The following ROBO1 variants were observed in gnomAD, a reference collection of about 807,000 sequenced individuals.
ROBO1 encodes roundabout homolog 1.
A neutral mutation model predicts 195.9 loss-of-function variants in ROBO1; 149 were observed. That is an observed-to-expected ratio of 0.76 (90% CI 0.67 to 0.87). The LOEUF is 0.87. Among genes scored for constraint, ROBO1 ranks in the 40% least tolerant of loss-of-function variants. The probability of loss-of-function intolerance (pLI) is 0.00; values close to 1 mark genes in which losing one functional copy is unlikely to be tolerated. For missense variants in ROBO1, 1,933 were observed against 2,068.3 expected, an observed-to-expected ratio of 0.93 and a Z score of 1.27; for synonymous variants, 816 against 733.2, an observed-to-expected ratio of 1.11 and a Z score of -1.82.
At chr3:79,753,355 G>A (rs1344305683) in intron 1 of ROBO1, among the ~76,000 whole-genome samples, 1 of 152,014 alleles carries the variant, frequency 6.6e-6, no homozygotes, top group African/African-American at 2.4e-5. Context: ...CTGTCAGGGT[G>A]ATCTATTTGC....
chr3:79,524,391 T>G (rs891765929), intron 2 of ROBO1, among the ~76,000 whole-genome samples: 3 of 152,088 alleles, frequency 2.0e-5, no homozygotes. Context: ...AGCCTTAGAT[T>G]AAGCATACCT....
intron 2 of ROBO1, among the ~76,000 whole-genome samples, chr3:79,227,215 C>A (rs941796959): frequency 6.6e-6 from 1 of 152,136 alleles, no homozygotes; most frequent in Admixed American, 6.6e-5. Flanking sequence ...GGCTCCCTAG[C>A]AGCTGTTTTT....
chr3:79,507,503 C>T (rs1940465670), intron 2 of ROBO1, among the ~76,000 whole-genome samples: 1 of 152,170 alleles, frequency 6.6e-6, no homozygotes, highest in Admixed American at 6.5e-5. Context: ...TCCAAGCATG[C>T]TTTCCTTTGT....
chr3:78,944,527 G>A (rs1215619855), intron 3 of ROBO1, among the ~76,000 whole-genome samples: 1 of 152,182 alleles, frequency 6.6e-6, no homozygotes, highest in African/African-American at 2.4e-5. Context: ...AATAAATGTG[G>A]AGGGAGGAGC....
intron 2 of ROBO1, among the ~76,000 whole-genome samples, chr3:79,479,549 TAGG>T (rs1409863932): frequency 3.9e-5 from 6 of 152,114 alleles, no homozygotes; most frequent in Non-Finnish European, 5.9e-5. Context: ...GAGCGACGCA[TAGG>T]AGAATGGCCC....
At chr3:79,396,225 G>T (rs925135242) in intron 2 of ROBO1, among the ~76,000 whole-genome samples, 1 of 152,080 alleles carries the variant, frequency 6.6e-6, no homozygotes, top group African/African-American at 2.4e-5. Context: ...GAGTACTATG[G>T]TGAGAACAAA....
chr3:78,809,130 A>C (rs2108616274), intron 4 of ROBO1, among the ~76,000 whole-genome samples: 1 of 152,200 alleles, frequency 6.6e-6, no homozygotes, highest in Non-Finnish European at 1.5e-5. Context: ...AGAATCTATA[A>C]AGAACTTAAA....
At chr3:79,469,178 T>C (rs1938132300) in intron 2 of ROBO1, among the ~76,000 whole-genome samples, 3 of 152,122 alleles carry the variant, frequency 2.0e-5, no homozygotes, top group African/African-American at 7.2e-5. Flanking sequence ...AAGAATGGTT[T>C]ATAAAGAATT....
intron 8 of ROBO1, among the ~76,000 whole-genome samples, chr3:78,689,079 A>G (rs893457442): frequency 1.3e-5 from 2 of 152,182 alleles, no homozygotes; most frequent in Non-Finnish European, 2.9e-5. Flanking sequence ...TTTTTTATGA[A>G]CAAATATTAT....
intron 2 of ROBO1, 123 bp downstream of exon 2, chr3:79,589,701 A>C (rs1943935658): frequency 1.3e-6 from 1 of 749,618 alleles, no homozygotes; most frequent in Admixed American, 2.3e-5. Flanking sequence ...AGACATTCAC[A>C]CAGACTTACA....
At chr3:79,549,603 G>C in intron 2 of ROBO1, among the ~76,000 whole-genome samples, 1 of 152,028 alleles carries the variant, frequency 6.6e-6, no homozygotes, top group East Asian at 1.9e-4. Flanking sequence ...ATTATATTAG[G>C]TATTATAAGT....
chr3:79,692,963 A>C (rs1947337381), intron 1 of ROBO1, among the ~76,000 whole-genome samples: 1 of 151,832 alleles, frequency 6.6e-6, no homozygotes, highest in Non-Finnish European at 1.5e-5. Flanking sequence ...TATTTTAAAT[A>C]ATTTTGTGCA....
At chr3:79,475,495 C>T (rs1938504810) in intron 2 of ROBO1, among the ~76,000 whole-genome samples, 1 of 151,750 alleles carries the variant, frequency 6.6e-6, no homozygotes, top group African/African-American at 2.4e-5. Context: ...AGAGAAAATT[C>T]CTCAGTTATG....
intron 30 of ROBO1, among the ~76,000 whole-genome samples, chr3:78,599,730 G>A (rs1219989572): frequency 6.6e-6 from 1 of 152,120 alleles, no homozygotes. Context: ...GCTGACTATG[G>A]CAACTTCCTC....
At chr3:78,734,299 T>C (rs1235969766) in intron 5 of ROBO1, among the ~76,000 whole-genome samples, 3 of 151,530 alleles carry the variant, frequency 2.0e-5, no homozygotes, top group Non-Finnish European at 4.4e-5. Flanking sequence ...TTTGGAAAAG[T>C]ATGCAAAACT....
At chr3:79,337,705 ATATT>A (rs756975910) in intron 2 of ROBO1, among the ~76,000 whole-genome samples, 6 of 152,212 alleles carry the variant, frequency 3.9e-5, no homozygotes, top group Non-Finnish European at 8.8e-5. Flanking sequence ...ATTTAGAAAA[ATATT>A]TATTTAAACA....
intron 4 of ROBO1, among the ~76,000 whole-genome samples, chr3:78,772,447 A>C (rs2083399202): frequency 6.6e-6 from 1 of 152,142 alleles, no homozygotes; most frequent in Non-Finnish European, 1.5e-5. Flanking sequence ...AAAAATATAT[A>C]TCTCTAGAAA....
intron 4 of ROBO1, among the ~76,000 whole-genome samples, chr3:78,872,526 G>A (rs556813888): frequency 1.3e-5 from 2 of 152,288 alleles, no homozygotes; most frequent in East Asian, 3.9e-4. Flanking sequence ...CCTTCTGTTT[G>A]ATGTTTGACA....
intron 2 of ROBO1, among the ~76,000 whole-genome samples, chr3:79,357,391 G>T (rs1280740272): frequency 6.6e-6 from 1 of 152,172 alleles, no homozygotes; most frequent in Non-Finnish European, 1.5e-5. Flanking sequence ...TTTCATGTCA[G>T]AGAGTTAATG....
Sources: gnomAD v4.1 joint callset for allele counts (sites outside exome capture counted in the v4.1 genomes callset) on GRCh38, gnomAD v4.1.1 for gene constraint, MANE v1.5 for transcripts, NCBI Gene and HGNC (gene_info 2026-07-23, HGNC 2026-07-21) for gene names.